Variants in DLG2 observed in about 807,000 individuals in gnomAD.
DLG2 encodes discs large MAGUK scaffold protein 2, also known as disks large homolog 2.
In DLG2, 45 loss-of-function variants were observed where a neutral mutation model predicts 132.5. That is an observed-to-expected ratio of 0.34 (90% confidence interval 0.27 to 0.44). The LOEUF is 0.44. Among genes scored for constraint, DLG2 ranks in the 20% least tolerant of loss-of-function variants. The pLI, the probability that DLG2 is intolerant of heterozygous loss-of-function variation, is 1.00. For synonymous variants in DLG2, 424 were observed against 419.6 expected (o/e 1.01, Z -0.13); for missense variants, 1,045 against 1,196.9 (o/e 0.87, Z 1.87).
intron 6 of DLG2, among the ~76,000 whole-genome samples, chr11:84,681,451 A>G (rs949908605): frequency 6.6e-6 from 1 of 152,178 alleles, no homozygotes; most frequent in Non-Finnish European, 1.5e-5. Context: ...GTTGGTTTGT[A>G]ATTTCAAATG....
chr11:85,101,642 T>C (rs2070862927), intron 6 of DLG2, among the ~76,000 whole-genome samples: 1 of 152,106 alleles, frequency 6.6e-6, no homozygotes, highest in Non-Finnish European at 1.5e-5. Flanking sequence ...TGGTATTTTG[T>C]ACTCCTAATA....
intron 3 of DLG2, among the ~76,000 whole-genome samples, chr11:85,548,412 G>A (rs1565670115): frequency 6.6e-6 from 1 of 152,220 alleles, no homozygotes; most frequent in Non-Finnish European, 1.5e-5. Context: ...TCTGCTCTAT[G>A]AGGTATCTGT....
intron 6 of DLG2, among the ~76,000 whole-genome samples, chr11:84,593,259 C>A (rs530753538): frequency 2.7e-4 from 41 of 152,154 alleles, no homozygotes; most frequent in African/African-American, 7.5e-4. Context: ...GATCTAGAAC[C>A]AGAAATACCA....
intron 6 of DLG2, among the ~76,000 whole-genome samples, chr11:84,788,523 A>G (rs2073306587): frequency 6.6e-6 from 1 of 152,016 alleles, no homozygotes; most frequent in South Asian, 2.1e-4. Flanking sequence ...TCTTTCATTT[A>G]TATTACTTTT....
chr11:83,482,371 A>AAAAG (rs1440247460), intron 22 of DLG2, among the ~76,000 whole-genome samples: 1 of 152,156 alleles, frequency 6.6e-6, no homozygotes, highest in Non-Finnish European at 1.5e-5. Flanking sequence ...ATACAGTTGC[A>AAAAG]AAAGACACAA....
intron 3 of DLG2, among the ~76,000 whole-genome samples, chr11:85,357,238 TTGTGTGTGTGTGTGTGTGTG>T (rs71036472): frequency 8.5e-5 from 10 of 118,128 alleles, no homozygotes; most frequent in South Asian, 3.2e-4. Flanking sequence ...AATATCCTCT[TTGTGTGTGTGTGTGTGTGTG>T]TGTGTGTGTG....
chr11:85,405,311 T>C (rs1348554897), intron 3 of DLG2, among the ~76,000 whole-genome samples: 2 of 151,990 alleles, frequency 1.3e-5, no homozygotes, highest in Admixed American at 6.6e-5. Context: ...AAGCAACTAA[T>C]AAACAAAAAT....
At chr11:84,525,246 A>T (rs1033982319) in intron 7 of DLG2, among the ~76,000 whole-genome samples, 13 of 152,138 alleles carry the variant, frequency 8.5e-5, no homozygotes, top group African/African-American at 3.1e-4. Flanking sequence ...TGACTGTTAA[A>T]CACTTCTACC....
chr11:84,596,202 C>G (rs1378883539), intron 6 of DLG2, among the ~76,000 whole-genome samples: 3 of 150,974 alleles, frequency 2.0e-5, no homozygotes, highest in African/African-American at 4.9e-5. Flanking sequence ...CTCTCTCTCT[C>G]TCTCTCTCTC....
intron 18 of DLG2, among the ~76,000 whole-genome samples, chr11:83,707,500 T>A (rs1026993425): frequency 2.6e-5 from 4 of 152,166 alleles, no homozygotes; most frequent in African/African-American, 9.7e-5. Context: ...TGAAAACCCA[T>A]CTTTATTAAA....
At chr11:85,523,760 T>C (rs1420078229) in intron 3 of DLG2, among the ~76,000 whole-genome samples, 1 of 152,184 alleles carries the variant, frequency 6.6e-6, no homozygotes, top group Non-Finnish European at 1.5e-5. Context: ...AATCAGTATT[T>C]TGAAGAGACA....
chr11:84,994,776 A>C (rs916211162), intron 6 of DLG2, among the ~76,000 whole-genome samples: 3 of 152,108 alleles, frequency 2.0e-5, no homozygotes, highest in Non-Finnish European at 4.4e-5. Context: ...GCATCCATAG[A>C]ATAATTTACA....
chr11:85,137,999 T>C (rs952911447), intron 5 of DLG2, among the ~76,000 whole-genome samples: 5 of 152,058 alleles, frequency 3.3e-5, no homozygotes, highest in Admixed American at 6.6e-5. Context: ...CAGGAGTCTA[T>C]GTATTCTGTT....
At chr11:83,606,701 G>A (rs1423156863) in intron 19 of DLG2, among the ~76,000 whole-genome samples, 1 of 151,870 alleles carries the variant, frequency 6.6e-6, no homozygotes, top group African/African-American at 2.4e-5. Flanking sequence ...GCTGAGGCGG[G>A]CGGATCACGA....
intron 6 of DLG2, among the ~76,000 whole-genome samples, chr11:84,974,300 A>T (rs2054557782): frequency 6.6e-6 from 1 of 152,168 alleles, no homozygotes; most frequent in African/African-American, 2.4e-5. Context: ...CATCAAACTT[A>T]CTGGCATATG....
chr11:84,695,612 G>C (rs2058535823), intron 6 of DLG2, among the ~76,000 whole-genome samples: 1 of 151,472 alleles, frequency 6.6e-6, no homozygotes. Flanking sequence ...GAATGGTTTT[G>C]TATCAGCATT....
At chr11:84,600,218 AAGAAAG>A (rs1409432736) in intron 6 of DLG2, among the ~76,000 whole-genome samples, 2 of 132,456 alleles carry the variant, frequency 1.5e-5, no homozygotes, top group African/African-American at 3.4e-5. Context: ...GAAAGAAAGA[AAGAAAG>A]AGAAAGAAAG....
At chr11:84,316,835 C>T (rs1454955117) in intron 7 of DLG2, 8 of 1,611,232 alleles carry the variant, frequency 5.0e-6, no homozygotes, top group Non-Finnish European at 6.8e-6. Flanking sequence ...CTGTGCTGGG[C>T]TGAACCAACC....
intron 3 of DLG2, among the ~76,000 whole-genome samples, chr11:85,493,415 T>C (rs1280096233): frequency 6.6e-6 from 1 of 152,160 alleles, no homozygotes; most frequent in Non-Finnish European, 1.5e-5. Context: ...TGTCACCTTC[T>C]AAAGAGGACT....
Sources: allele counts gnomAD v4.1 joint callset (sites outside exome capture counted in the v4.1 genomes callset), GRCh38; gene constraint gnomAD v4.1.1; transcripts MANE v1.5; gene names NCBI Gene and HGNC (gene_info 2026-07-23, HGNC 2026-07-21).